DIAPH3: variants seen among roughly 807,000 people sequenced by gnomAD.
DIAPH3 encodes the protein protein diaphanous homolog 3.
A neutral mutation model predicts 144.3 loss-of-function variants in DIAPH3; 117 were observed. The ratio of observed to expected loss-of-function variants is 0.81; its 90% CI spans 0.70 to 0.95. The LOEUF (loss-of-function observed/expected upper bound fraction) is 0.95, where lower values mean the gene tolerates loss of function less well. Ranked by LOEUF, DIAPH3 falls within the 40% of genes least tolerant of loss-of-function variation. The pLI, the probability that DIAPH3 is intolerant of heterozygous loss-of-function variation, is 0.00. For synonymous variants in DIAPH3, 519 were observed against 488.9 expected, an observed-to-expected ratio of 1.06 and a Z score of -0.81; for missense variants, 1,421 against 1,412.7, an observed-to-expected ratio of 1.01 and a Z score of -0.09.
At chr13:60,051,831 T>A (rs937480701) in intron 4 of DIAPH3, among the ~76,000 whole-genome samples, 1 of 152,074 alleles carries the variant, frequency 6.6e-6, no homozygotes, top group Non-Finnish European at 1.5e-5. Flanking sequence ...ATCAACATTC[T>A]CAGTGAAAAA....
At chr13:59,704,840 G>T (rs1235187796) in intron 27 of DIAPH3, among the ~76,000 whole-genome samples, 1 of 152,122 alleles carries the variant, frequency 6.6e-6, no homozygotes, top group African/African-American at 2.4e-5. Flanking sequence ...ATATTTCATC[G>T]TTAAGTGCCG....
chr13:59,977,283 G>C (rs1444532601), intron 14 of DIAPH3, among the ~76,000 whole-genome samples: 2 of 151,798 alleles, frequency 1.3e-5, no homozygotes. Context: ...AATGATGTTT[G>C]ACCTCAAAGT....
chr13:59,893,273 A>G (rs2045914399), intron 20 of DIAPH3, among the ~76,000 whole-genome samples: 1 of 152,278 alleles, frequency 6.6e-6, no homozygotes, highest in East Asian at 1.9e-4. Flanking sequence ...AACATTTATG[A>G]AACAAACACA....
intron 18 of DIAPH3, among the ~76,000 whole-genome samples, chr13:59,918,944 C>CAAA (rs34985752): frequency 6.0e-5 from 7 of 117,484 alleles, no homozygotes; most frequent in African/African-American, 1.0e-4. Context: ...CAAGAAAATA[C>CAAA]AAAAAAAAAA....
intron 17 of DIAPH3, among the ~76,000 whole-genome samples, chr13:59,937,912 A>G (rs1009334297): frequency 7.9e-5 from 12 of 152,048 alleles, no homozygotes; most frequent in African/African-American, 2.7e-4. Context: ...AGGTAGAGAC[A>G]ATACCTAGGT....
intron 27 of DIAPH3, among the ~76,000 whole-genome samples, chr13:59,709,224 C>T (rs2034593037): frequency 6.6e-6 from 1 of 151,908 alleles, no homozygotes; most frequent in South Asian, 2.1e-4. Context: ...TTAAGTTGGT[C>T]TTTTTTCAAA....
intron 27 of DIAPH3, among the ~76,000 whole-genome samples, chr13:59,710,857 C>T (rs2138828709): frequency 6.6e-6 from 1 of 152,310 alleles, no homozygotes; most frequent in East Asian, 1.9e-4. Context: ...TCACAGAGCT[C>T]TGAGTTCAGC....
chr13:60,025,174 C>A (rs1284159988), intron 5 of DIAPH3, among the ~76,000 whole-genome samples: 3 of 151,840 alleles, frequency 2.0e-5, no homozygotes, highest in African/African-American at 7.3e-5. Context: ...TTGTTTGCTG[C>A]CATTTTTGTG....
At chr13:60,113,814 T>C (rs893550549) in intron 2 of DIAPH3, among the ~76,000 whole-genome samples, 2 of 152,186 alleles carry the variant, frequency 1.3e-5, no homozygotes, top group Non-Finnish European at 2.9e-5. Context: ...TATTGATAGC[T>C]GCATGGGTGC....
intron 27 of DIAPH3, among the ~76,000 whole-genome samples, chr13:59,720,423 ATTTT>A (rs997841615): frequency 6.6e-6 from 1 of 152,150 alleles, no homozygotes; most frequent in African/African-American, 2.4e-5. Flanking sequence ...TTAAATGAAA[ATTTT>A]TTTATTTTGT....
chr13:59,979,151 G>A (rs1208504328), intron 14 of DIAPH3, among the ~76,000 whole-genome samples: 2 of 151,576 alleles, frequency 1.3e-5, no homozygotes, highest in East Asian at 1.9e-4. Flanking sequence ...TGACTAAAAG[G>A]AGACAAGTAA....
chr13:60,015,100 A>C (rs2053550914), intron 7 of DIAPH3, among the ~76,000 whole-genome samples: 1 of 151,992 alleles, frequency 6.6e-6, no homozygotes, highest in Non-Finnish European at 1.5e-5. Context: ...GGCTCAAGCC[A>C]CCCTTTCATC....
intron 22 of DIAPH3, among the ~76,000 whole-genome samples, chr13:59,841,463 A>G (rs1236868850): frequency 1.3e-5 from 2 of 152,070 alleles, no homozygotes; most frequent in Admixed American, 1.3e-4. Flanking sequence ...CCATGGTGGC[A>G]TGTGCCTGTA....
At chr13:59,809,214 T>C (rs2040342626) in intron 25 of DIAPH3, among the ~76,000 whole-genome samples, 1 of 152,174 alleles carries the variant, frequency 6.6e-6, no homozygotes, top group South Asian at 2.1e-4. Context: ...AAAGAGCTAA[T>C]GTTCAGGCTG....
At chr13:60,001,753 G>T (rs1351202726) in intron 9 of DIAPH3, among the ~76,000 whole-genome samples, 1 of 152,186 alleles carries the variant, frequency 6.6e-6, no homozygotes, top group African/African-American at 2.4e-5. Flanking sequence ...AGTGTTTAAA[G>T]AAATGCCACC....
At chr13:59,802,521 T>G (rs2039959337) in intron 25 of DIAPH3, among the ~76,000 whole-genome samples, 1 of 148,928 alleles carries the variant, frequency 6.7e-6, no homozygotes, top group African/African-American at 2.4e-5. Flanking sequence ...CACAGACTGG[T>G]CATTTTGCAA....
chr13:59,909,403 T>G (rs2046887489), intron 20 of DIAPH3, among the ~76,000 whole-genome samples: 1 of 151,742 alleles, frequency 6.6e-6, no homozygotes, highest in Admixed American at 6.6e-5. Context: ...GTTTCCCACT[T>G]CTCTTTGGAG....
intron 4 of DIAPH3, among the ~76,000 whole-genome samples, chr13:60,086,818 A>T (rs2057761756): frequency 6.6e-6 from 1 of 152,166 alleles, no homozygotes. Flanking sequence ...GAAATGTATT[A>T]AAACTCCCTA....
intron 27 of DIAPH3, among the ~76,000 whole-genome samples, chr13:59,712,206 G>A (rs2034786776): frequency 6.6e-6 from 1 of 152,212 alleles, no homozygotes. Context: ...TACATCATTA[G>A]GATGACACTG....
Sources: gnomAD v4.1 joint callset for allele counts (sites outside exome capture counted in the v4.1 genomes callset) on GRCh38, gnomAD v4.1.1 for gene constraint, MANE v1.5 for transcripts, NCBI Gene and HGNC (gene_info 2026-07-23, HGNC 2026-07-21) for gene names.